RORA: variants seen among roughly 807,000 people sequenced by gnomAD.
The protein encoded by RORA is RAR related orphan receptor A.
Under a neutral mutation model 69.5 loss-of-function variants are expected in RORA, and 7 were observed. That is an observed-to-expected ratio of 0.10 (90% confidence interval 0.06 to 0.19). The LOEUF is 0.19. Among genes scored for constraint, RORA ranks in the 10% least tolerant of loss-of-function variants. The pLI, the probability that RORA is intolerant of heterozygous loss-of-function variation, is 1.00. For missense variants in RORA, 457 were observed against 663.0 expected (o/e 0.69, Z 3.41); for synonymous variants, 261 against 240.8 (o/e 1.08, Z -0.78).
At chr15:61,091,814 T>C (rs1443171083) in intron 1 of RORA, among the ~76,000 whole-genome samples, 2 of 152,228 alleles carry the variant, frequency 1.3e-5, no homozygotes, top group East Asian at 1.9e-4. Flanking sequence ...TGTGTATTCA[T>C]AGGCAAGGGA....
At chr15:61,144,013 A>G (rs1011408131) in intron 1 of RORA, among the ~76,000 whole-genome samples, 2 of 152,234 alleles carry the variant, frequency 1.3e-5, no homozygotes, top group African/African-American at 2.4e-5. Flanking sequence ...TCTGCAACTA[A>G]TATGTTAGAT....
intron 1 of RORA, among the ~76,000 whole-genome samples, chr15:61,224,903 C>T (rs903836711): frequency 4.6e-5 from 7 of 152,170 alleles, no homozygotes; most frequent in African/African-American, 1.4e-4. Flanking sequence ...GGCTTCAATG[C>T]AGGCTCCATA....
At chr15:60,526,195 A>C (rs1262128446) in intron 3 of RORA, among the ~76,000 whole-genome samples, 1 of 152,224 alleles carries the variant, frequency 6.6e-6, no homozygotes, top group Non-Finnish European at 1.5e-5. Context: ...GTTTTTGTTC[A>C]GTAGTGACTG....
intron 1 of RORA, among the ~76,000 whole-genome samples, chr15:61,124,687 T>C (rs985912244): frequency 8.5e-5 from 13 of 152,332 alleles, no homozygotes; most frequent in Admixed American, 2.6e-4. Flanking sequence ...AAATCCTGCC[T>C]GGGAGCAATA....
chr15:60,672,063 G>A (rs1477979021), intron 2 of RORA, among the ~76,000 whole-genome samples: 2 of 152,122 alleles, frequency 1.3e-5, no homozygotes, highest in African/African-American at 2.4e-5. Context: ...CTCCCGCTTG[G>A]CCAACAGAGC....
intron 1 of RORA, among the ~76,000 whole-genome samples, chr15:60,809,855 A>G (rs1279761938): frequency 1.3e-5 from 2 of 149,762 alleles, no homozygotes; most frequent in African/African-American, 2.5e-5. Flanking sequence ...CTTATTTCTT[A>G]TTCAACTCCA....
chr15:60,834,219 C>A (rs1358771683), intron 1 of RORA, among the ~76,000 whole-genome samples: 1 of 152,236 alleles, frequency 6.6e-6, no homozygotes, highest in Non-Finnish European at 1.5e-5. Flanking sequence ...ACATGTCAAA[C>A]TGAGGTCTCA....
At chr15:60,731,860 G>A (rs1428248176) in intron 1 of RORA, among the ~76,000 whole-genome samples, 1 of 152,354 alleles carries the variant, frequency 6.6e-6, no homozygotes, top group East Asian at 1.9e-4. Flanking sequence ...AATTGCATAA[G>A]CTTAAAGTTG....
At chr15:60,656,055 T>G (rs777922715) in intron 2 of RORA, among the ~76,000 whole-genome samples, 1 of 152,180 alleles carries the variant, frequency 6.6e-6, no homozygotes, top group Non-Finnish European at 1.5e-5. Flanking sequence ...AGATGATCTA[T>G]TTTTGAGATA....
chr15:60,930,453 A>G lies in RORA; in HGVS notation c.167-251767T>C, dbSNP rs76089893. ...TTTGAGAATTACATATGGTCTCCCAATACAGGGAGGGAAGACAAATATACA... is the reference window on the plus strand; with the variant it reads ...TTTGAGAATTACATATGGTCTCCCAGTACAGGGAGGGAAGACAAATATACA... On this transcript the variant is annotated intron_variant, in intron 1 of 10. Transcript: ENST00000335670. 3.7e-3 allele frequency among the ~76,000 whole-genome samples: 566 copies of G among 152,288 alleles called. 3 individuals are homozygous for G. The highest frequency in any genetic ancestry group is 0.013 in the African/African-American group (541 of 41,558).
At chr15:60,902,324 G>C (rs1443327106) in intron 1 of RORA, among the ~76,000 whole-genome samples, 1 of 151,788 alleles carries the variant, frequency 6.6e-6, no homozygotes, top group Non-Finnish European at 1.5e-5. Context: ...AAGCTTACCA[G>C]GTGATCCTTC....
At chr15:61,190,578 T>C (rs573728805) in intron 1 of RORA, among the ~76,000 whole-genome samples, 69 of 152,126 alleles carry the variant, frequency 4.5e-4, no homozygotes, top group African/African-American at 1.4e-3. Context: ...CTGGGCAACA[T>C]TGCGAAACCC....
chr15:61,120,844 C>CT (rs754676021), intron 1 of RORA, among the ~76,000 whole-genome samples: 2 of 151,472 alleles, frequency 1.3e-5, no homozygotes, highest in Admixed American at 1.3e-4. Flanking sequence ...AGCCTTATTT[C>CT]TTTTTTTATT....
At position 60,622,605 on chromosome 15, in the gene RORA, G is replaced by A. The variant is rs936243473; in HGVS notation, c.196+56052C>T. Among the ~76,000 whole-genome samples, 57 of 152,218 alleles carry A rather than the reference G, an allele frequency of 3.7e-4. 1 individual carries two copies. The highest frequency in any genetic ancestry group is 1.3e-3 in the African/African-American group (56 of 41,534). ...GACTGCATCACTGCACTCCAGCCTG[G>A]GTGATGAGCCAGACCCGGTCTCAAA... On this transcript the variant is annotated intron_variant, in intron 2 of 10. Coordinates refer to ENST00000335670, the MANE Select transcript of RORA (RefSeq NM_134261.3).
At chr15:60,672,891 G>T (rs1657798) in intron 2 of RORA, among the ~76,000 whole-genome samples, 115,559 of 152,156 alleles carry the variant, frequency 0.76, 44,467 homozygotes, top group East Asian at 1. Context: ...CTGTCAATAT[G>T]AAACTAAGCA....
intron 5 of RORA, among the ~76,000 whole-genome samples, chr15:60,510,755 G>A (rs73420046): frequency 1.3e-5 from 2 of 152,050 alleles, no homozygotes; most frequent in Non-Finnish European, 2.9e-5. Flanking sequence ...AGCTAAAAAA[G>A]CTGAACTTTT....
intron 1 of RORA, among the ~76,000 whole-genome samples, chr15:61,010,650 C>G (rs1056165318): frequency 6.6e-6 from 1 of 152,174 alleles, no homozygotes; most frequent in Non-Finnish European, 1.5e-5. Flanking sequence ...TGTGCCCTCT[C>G]TTCAATATTT....
chr15:60,752,752 A>G (rs901457882), intron 1 of RORA, among the ~76,000 whole-genome samples: 6 of 152,062 alleles, frequency 3.9e-5, no homozygotes, highest in Non-Finnish European at 8.8e-5. Context: ...AGAGCAAATA[A>G]TGAATAGCGC....
chr15:61,102,506 C>A (rs1264096575), intron 1 of RORA, among the ~76,000 whole-genome samples: 1 of 152,208 alleles, frequency 6.6e-6, no homozygotes, highest in Admixed American at 6.5e-5. Context: ...CTGCTCCAGG[C>A]CCCTGACATC....
Sources: gnomAD v4.1 joint callset for allele counts (sites outside exome capture counted in the v4.1 genomes callset) on GRCh38, gnomAD v4.1.1 for gene constraint, MANE v1.5 for transcripts, NCBI Gene and HGNC (gene_info 2026-07-23, HGNC 2026-07-21) for gene names.